WDR59: variants seen among roughly 807,000 people sequenced by gnomAD.
WDR59 encodes the protein WD repeat domain 59, also known as GATOR2 complex protein WDR59.
In WDR59, 100 loss-of-function variants were observed where a neutral mutation model predicts 131.2. The observed-to-expected ratio is 0.76, with a 90% CI of 0.65 to 0.90. The LOEUF is 0.90. WDR59 is among the 40% of genes least tolerant of loss of function. The pLI is 0.00. For synonymous variants in WDR59, 601 were observed against 466.2 expected, an observed-to-expected ratio of 1.29 and a Z score of -3.72; for missense variants, 1,203 against 1,262.2, an observed-to-expected ratio of 0.95 and a Z score of 0.71.
chr16:74,885,832 T>C (rs760275233), intron 24 of WDR59, 37 bp from the exon 25 acceptor site: 3 of 1,602,650 alleles, frequency 1.9e-6, no homozygotes, highest in Non-Finnish European at 2.6e-6. Context: ...TCAGTTCCTT[T>C]AAGAAAAAAC....
intron 19 of WDR59, 50 bp downstream of exon 19, chr16:74,893,629 C>A: frequency 6.6e-7 from 1 of 1,525,290 alleles, no homozygotes; most frequent in Non-Finnish European, 8.9e-7. Context: ...AAAAGTTTTG[C>A]TAATCCTGGC....
At chr16:74,943,979 T>C (rs2032424150) in intron 6 of WDR59, among the ~76,000 whole-genome samples, 1 of 152,146 alleles carries the variant, frequency 6.6e-6, no homozygotes, top group African/African-American at 2.4e-5. Flanking sequence ...GGAAGAGTAT[T>C]AGGAGGTGGC....
At chr16:74,966,727 A>T (rs2033791919) in intron 1 of WDR59, among the ~76,000 whole-genome samples, 1 of 152,168 alleles carries the variant, frequency 6.6e-6, no homozygotes, top group Admixed American at 6.6e-5. Context: ...CCAAGGTCAT[A>T]TTCTGGATAC....
chr16:74,913,050 G>C (rs1436584792), intron 13 of WDR59, among the ~76,000 whole-genome samples: 1 of 129,762 alleles, frequency 7.7e-6, no homozygotes, highest in Non-Finnish European at 1.6e-5. Context: ...CAGTTTTGGG[G>C]CCAGTTTATG....
chr16:74,895,972 C>T (rs1293080456), intron 18 of WDR59, among the ~76,000 whole-genome samples: 1 of 152,084 alleles, frequency 6.6e-6, no homozygotes, highest in East Asian at 1.9e-4. Context: ...ACAAGGTACA[C>T]AAGCTCATTC....
intron 2 of WDR59, chr16:74,962,949 C>A (rs1164441409): frequency 6.6e-6 from 1 of 151,390 alleles, no homozygotes; most frequent in African/African-American, 2.4e-5. Context: ...CCAGAGGAAT[C>A]TAAATTACTC....
intron 3 of WDR59, among the ~76,000 whole-genome samples, chr16:74,951,862 C>T (rs997192190): frequency 2.6e-5 from 4 of 152,160 alleles, no homozygotes; most frequent in African/African-American, 7.2e-5. Context: ...GAAAATGTCC[C>T]GGCCACTAGA....
At chr16:74,905,727 A>C (rs1965776953) in intron 17 of WDR59, among the ~76,000 whole-genome samples, 1 of 151,508 alleles carries the variant, frequency 6.6e-6, no homozygotes, top group Admixed American at 6.6e-5. Flanking sequence ...AAAATAAAAT[A>C]AATAAAATTA....
At chr16:74,910,159 G>T (rs563890147) in intron 14 of WDR59, among the ~76,000 whole-genome samples, 1 of 151,842 alleles carries the variant, frequency 6.6e-6, no homozygotes, top group Non-Finnish European at 1.5e-5. Context: ...GTAGAGAAGG[G>T]GTTTCACCAT....
Position 74,904,104 on chromosome 16 carries a change from T to C in WDR59, c.1713-4A>G. The C allele has an allele frequency of 6.2e-7, 1 of 1,611,648 alleles. No individual in the cohort carries two copies. The highest frequency in any genetic ancestry group is 8.5e-7 in the Non-Finnish European group (1 of 1,179,004). ...AGCAGACAAGGCTGAGAGAGATCTG[T>C]AGTTGAAAATGATAATTATCCACAC... On this transcript the variant is annotated splice_polypyrimidine_tract_variant and splice_region_variant and intron_variant, in intron 17 of 25. Transcript: ENST00000262144.
At chr16:74,951,615 C>T in intron 3 of WDR59, 72 bp from the exon 4 acceptor site, 1 of 1,371,948 alleles carries the variant, frequency 7.3e-7, no homozygotes, top group Non-Finnish European at 1.0e-6. Flanking sequence ...CAGCTTAAGG[C>T]AGTGAAGAGG....
At chr16:74,914,115 G>A (rs978974286) in intron 13 of WDR59, among the ~76,000 whole-genome samples, 1 of 152,158 alleles carries the variant, frequency 6.6e-6, no homozygotes, top group African/African-American at 2.4e-5. Flanking sequence ...GGGAAGCTGA[G>A]GCAGGAGAAT....
intron 1 of WDR59, among the ~76,000 whole-genome samples, chr16:74,976,591 A>G (rs983677065): frequency 1.3e-5 from 2 of 151,896 alleles, no homozygotes; most frequent in African/African-American, 2.4e-5. Flanking sequence ...ACAGGTGCCC[A>G]CCACCACACC....
intron 2 of WDR59, among the ~76,000 whole-genome samples, chr16:74,960,560 C>A (rs1009887577): frequency 6.6e-6 from 1 of 151,684 alleles, no homozygotes; most frequent in African/African-American, 2.4e-5. Context: ...GCCCGGCCAA[C>A]ACAGCAAAAC....
At chr16:74,949,992 G>A (rs770746538) in intron 4 of WDR59, 194 bp from the exon 5 acceptor site, 32 of 641,236 alleles carry the variant, frequency 5.0e-5, no homozygotes, top group Admixed American at 2.3e-4. Flanking sequence ...CAGGTCCTTC[G>A]CCAGCTATAC....
At chr16:74,943,834 C>T (rs2032410463) in intron 6 of WDR59, among the ~76,000 whole-genome samples, 1 of 152,144 alleles carries the variant, frequency 6.6e-6, no homozygotes, top group Non-Finnish European at 1.5e-5. Flanking sequence ...CAGCATTAAG[C>T]CCAGAACTTG....
At chr16:74,941,297 C>T (rs2032200174) in intron 7 of WDR59, among the ~76,000 whole-genome samples, 1 of 146,836 alleles carries the variant, frequency 6.8e-6, no homozygotes, top group Non-Finnish European at 1.5e-5. Flanking sequence ...GCCATAGTTA[C>T]ACTACTACAC....
intron 17 of WDR59, among the ~76,000 whole-genome samples, chr16:74,907,713 C>T (rs952917927): frequency 1.3e-5 from 2 of 152,126 alleles, no homozygotes; most frequent in African/African-American, 4.8e-5. Flanking sequence ...CACCAGACTG[C>T]GGAACCAGAA....
chr16:74,956,402 C>T (rs2033290664), intron 3 of WDR59, 73 bp downstream of exon 3: 14 of 1,560,296 alleles, frequency 9.0e-6, no homozygotes, highest in Non-Finnish European at 1.2e-5. Flanking sequence ...CTCTTCTCTA[C>T]ACAGGGCATA....
Sources: gnomAD v4.1 joint callset for allele counts (sites outside exome capture counted in the v4.1 genomes callset) on GRCh38, gnomAD v4.1.1 for gene constraint, MANE v1.5 for transcripts, NCBI Gene and HGNC (gene_info 2026-07-23, HGNC 2026-07-21) for gene names.